CSMD3: variants seen among roughly 807,000 people sequenced by gnomAD.
CSMD3 encodes the protein CUB and Sushi multiple domains 3, also known as CUB and sushi domain-containing protein 3.
In CSMD3, 177 loss-of-function variants were observed where a neutral mutation model predicts 435.2. That is an observed-to-expected ratio of 0.41 (90% confidence interval 0.36 to 0.46). The LOEUF is 0.46. Among genes scored for constraint, CSMD3 ranks in the 20% least tolerant of loss-of-function variants. The pLI is 0.34. For missense variants in CSMD3, 4,265 were observed against 4,504.6 expected, an observed-to-expected ratio of 0.95 and a Z score of 1.52; for synonymous variants, 1,656 against 1,520.5, an observed-to-expected ratio of 1.09 and a Z score of -2.07.
At chr8:113,433,484 A>T (rs544141273) in intron 1 of CSMD3, among the ~76,000 whole-genome samples, 10 of 152,296 alleles carry the variant, frequency 6.6e-5, no homozygotes, top group African/African-American at 2.2e-4. Flanking sequence ...GCGGGAGAGG[A>T]TGCGATTTCC....
intron 53 of CSMD3, 110 bp downstream of exon 53, chr8:112,301,683 A>G: frequency 1.2e-6 from 1 of 816,554 alleles, no homozygotes; most frequent in African/African-American, 1.7e-5. Context: ...TTTTTAACAT[A>G]CTTACTGAAT....
intron 4 of CSMD3, among the ~76,000 whole-genome samples, chr8:113,110,972 C>T (rs1242941717): frequency 6.6e-6 from 1 of 152,064 alleles, no homozygotes; most frequent in African/African-American, 2.4e-5. Flanking sequence ...TGAATGAGCT[C>T]CTGTGGGCCT....
chr8:112,416,235 G>A (rs1191991418), intron 32 of CSMD3, among the ~76,000 whole-genome samples: 1 of 152,140 alleles, frequency 6.6e-6, no homozygotes, highest in Non-Finnish European at 1.5e-5. Flanking sequence ...ATGATAGTGA[G>A]TGAGTTCTTA....
chr8:112,593,746 T>C (rs369659276), intron 22 of CSMD3, among the ~76,000 whole-genome samples: 136 of 152,200 alleles, frequency 8.9e-4, no homozygotes, highest in African/African-American at 3.2e-3. Flanking sequence ...GAGAAGATAG[T>C]TTTAAGAAAA....
At chr8:112,297,333 C>A (rs1820411469) in intron 53 of CSMD3, among the ~76,000 whole-genome samples, 1 of 150,016 alleles carries the variant, frequency 6.7e-6, no homozygotes, top group Non-Finnish European at 1.5e-5. Flanking sequence ...GAGATACAAA[C>A]CTCCTTAATA....
rs1015776292 is a variant in CSMD3 at position 112,676,556 on chromosome 8, A to G, written c.2677+5886T>C. ...AAAAATGGTATGAATTTCAGATTCT[A>G]TAACAAAATAATGAATACATTAATG... is the stretch of plus-strand genomic sequence containing the variant. On this transcript the variant is annotated intron_variant, in intron 16 of 70. Transcript: ENST00000297405. Among the ~76,000 whole-genome samples, 13 of 152,282 alleles carry G rather than the reference A, an allele frequency of 8.5e-5. No individual in the cohort carries two copies. The South Asian group carries it at 2.3e-3, about 27-fold the overall frequency.
At chr8:113,361,477 T>C (rs573848279) in intron 1 of CSMD3, among the ~76,000 whole-genome samples, 1 of 152,262 alleles carries the variant, frequency 6.6e-6, no homozygotes, top group African/African-American at 2.4e-5. Context: ...TTCATTATCT[T>C]TGAATATTTG....
intron 11 of CSMD3, among the ~76,000 whole-genome samples, chr8:112,857,884 A>G (rs1241908672): frequency 3.3e-5 from 5 of 151,728 alleles, no homozygotes; most frequent in Non-Finnish European, 1.5e-5. Flanking sequence ...AAATAAACCA[A>G]TAAATATTTG....
intron 10 of CSMD3, among the ~76,000 whole-genome samples, chr8:112,897,534 T>C (rs1587611678): frequency 6.6e-6 from 1 of 150,824 alleles, no homozygotes; most frequent in African/African-American, 2.4e-5. Flanking sequence ...CCTCAGCTGA[T>C]AAAGAACTCA....
At chr8:112,744,695 G>A (rs1371700061) in intron 13 of CSMD3, among the ~76,000 whole-genome samples, 2 of 151,852 alleles carry the variant, frequency 1.3e-5, no homozygotes, top group South Asian at 2.1e-4. Context: ...GACTTTGGGC[G>A]TAGGTGACAA....
At chr8:112,246,801 A>C (rs1814774530) in intron 64 of CSMD3, among the ~76,000 whole-genome samples, 1 of 152,168 alleles carries the variant, frequency 6.6e-6, no homozygotes, top group Admixed American at 6.6e-5. Flanking sequence ...TTACAAAAAG[A>C]ACAAAATTGT....
At chr8:112,390,973 A>C (rs1830364089) in intron 35 of CSMD3, among the ~76,000 whole-genome samples, 185 bp from the exon 36 acceptor site, 1 of 152,234 alleles carries the variant, frequency 6.6e-6, no homozygotes, top group Admixed American at 6.5e-5. Flanking sequence ...ACAAATAATT[A>C]GACAGCATTA....
intron 13 of CSMD3, among the ~76,000 whole-genome samples, chr8:112,704,164 G>A (rs1161302210): frequency 4.0e-5 from 6 of 150,750 alleles, no homozygotes; most frequent in Non-Finnish European, 5.9e-5. Flanking sequence ...CTCTTTTTTA[G>A]AAACAGGCTC....
chr8:112,391,684 T>G (rs1830430497), intron 35 of CSMD3, among the ~76,000 whole-genome samples: 1 of 125,950 alleles, frequency 7.9e-6, no homozygotes, highest in Non-Finnish European at 1.8e-5. Flanking sequence ...AGGATAAGAC[T>G]CCATCTCAAA....
intron 9 of CSMD3, among the ~76,000 whole-genome samples, chr8:112,939,036 A>G (rs11991413): frequency 0.04 from 6,109 of 152,210 alleles, 419 homozygotes; most frequent in African/African-American, 0.14. Flanking sequence ...AACTGATATT[A>G]TATCACCTCT....
intron 5 of CSMD3, among the ~76,000 whole-genome samples, chr8:113,048,080 ATT>A (rs1564252203): frequency 7.3e-6 from 1 of 137,182 alleles, no homozygotes; most frequent in African/African-American, 2.8e-5. Context: ...TGTAACTTCA[ATT>A]CTTTTTTTTT....
chr8:113,078,123 A>G (rs1203260669), intron 5 of CSMD3, among the ~76,000 whole-genome samples: 3 of 152,182 alleles, frequency 2.0e-5, no homozygotes, highest in Non-Finnish European at 4.4e-5. Flanking sequence ...ATAAGATGCC[A>G]TTTACAGTCA....
At position 112,390,663 on chromosome 8, in the gene CSMD3, C is replaced by G. The variant is rs2129720268; in HGVS notation, c.5934+1G>C. The G allele has an allele frequency of 6.2e-7, 1 of 1,612,058 alleles. No homozygotes were observed. Among genetic ancestry groups the G allele is most frequent in the Non-Finnish European group, 8.5e-7 (1 of 1,178,158 alleles). ...AAGAAGAAAAACTTAAATATTCTTA[C>G]TTGAATGCCAGCTCCCTCTGGCACT... On this transcript the variant is annotated splice_donor_variant, in intron 36 of 70. Coordinates refer to ENST00000297405, the MANE Select transcript of CSMD3 (RefSeq NM_198123.2). LOFTEE classifies it high-confidence loss of function.
intron 3 of CSMD3, among the ~76,000 whole-genome samples, chr8:113,227,179 T>C (rs2093038016): frequency 1.3e-5 from 2 of 151,500 alleles, no homozygotes; most frequent in Non-Finnish European, 3.0e-5. Flanking sequence ...TGAGAACAAA[T>C]AAAAATTAGA....
Sources: gnomAD v4.1 joint callset for allele counts (sites outside exome capture counted in the v4.1 genomes callset) on GRCh38, gnomAD v4.1.1 for gene constraint, MANE v1.5 for transcripts, NCBI Gene and HGNC (gene_info 2026-07-23, HGNC 2026-07-21) for gene names.